The following TRMT13 variants were observed in gnomAD, a reference collection of about 807,000 sequenced individuals.
TRMT13 encodes the protein tRNA:m(4)X modification enzyme TRM13 homolog.
In TRMT13, 45 loss-of-function variants were observed where a neutral mutation model predicts 55.9. The observed-to-expected ratio is 0.80, with a 90% CI of 0.63 to 1.03. The LOEUF is 1.03. Ranked by LOEUF, TRMT13 falls within the 50% of genes least tolerant of loss-of-function variation. The probability of loss-of-function intolerance (pLI) is 0.00; values close to 1 mark genes in which losing one functional copy is unlikely to be tolerated. For synonymous variants in TRMT13, 183 were observed against 196.3 expected (o/e 0.93, Z 0.57); for missense variants, 513 against 563.9 (o/e 0.91, Z 0.91).
In TRMT13 at chr1:100,139,631, G is replaced by A. The variant is rs750919471; in HGVS notation, c.262-18G>A. 1 of 1,452,102 alleles carries A rather than the reference G, an allele frequency of 6.9e-7. No individual in the cohort carries two copies. Among genetic ancestry groups the A allele is most frequent in the South Asian group, 1.2e-5 (1 of 85,356 alleles). The allele number at this position is 1,452,102 out of a possible 1,614,324, so 90.0% of individuals were successfully genotyped here. A position where few individuals can be genotyped will look rare whatever the true frequency, so the allele number is the denominator to read the frequency against. On this transcript the variant is annotated intron_variant, in intron 3 of 10. Transcript: ENST00000370141. ...TACACATTATTAACAGTTCTTTTAT[G>A]GTTTTGTTTTTGTTAAGGATTTCTA...
chr1:100,148,469 T>C, intron 10 of TRMT13, 143 bp downstream of exon 10: 6 of 1,083,084 alleles, frequency 5.5e-6, no homozygotes, highest in Non-Finnish European at 7.9e-6. Context: ...CATCTTTTAT[T>C]GTGGTCATAA....
At position 100,148,251 on chromosome 1, in the gene TRMT13, A is replaced by G. The variant is rs1657536114; in HGVS notation, c.1175A>G (p.Asn392Ser). The change falls in exon 10 of 11, where the codon AAT becomes AGT. Residue 392 changes from asparagine to serine, a missense_variant. Physicochemically the swap from Asn to Ser is conservative, Grantham distance 46 (BLOSUM62 1). Around this residue, in one of 3 missense-constraint regions of TRMT13, gnomAD observed 209 missense variants for 255.8 expected, o/e 0.82. Coordinates refer to ENST00000370141, the MANE Select transcript of TRMT13 (RefSeq NM_019083.3). ...AATAGTACCACAAAGAGGCAAGATA[A>G]TCAGAATGATGATAGTGAAGAGCAT... ...TSNSTTKRQDNQNDDSEEHDD... is the reference protein window; with the variant it reads ...TSNSTTKRQDSQNDDSEEHDD... 6.2e-7 allele frequency: 1 copy of G among 1,614,076 alleles called. No homozygotes were observed. Among genetic ancestry groups the G allele is most frequent in the Admixed American group, 1.7e-5 (1 of 59,994 alleles).
At position 100,139,682 on chromosome 1, in the gene TRMT13, A is replaced by G. The variant is rs1337519044; in HGVS notation, c.295A>G (p.Arg99Gly). 1.3e-6 allele frequency: 2 copies of G among 1,542,924 alleles called. No homozygotes were observed. The highest frequency in any genetic ancestry group is 1.4e-5 in the African/African-American group (1 of 73,272). ...FYIQDINAGL[R>G]DETEIPEQLV... Reference sequence around the variant, plus strand: ...TATTCAAGATATTAATGCAGGCTTAAGAGATGAAACAGAAATACCTGAACA... The same window carrying G: ...TATTCAAGATATTAATGCAGGCTTAGGAGATGAAACAGAAATACCTGAACA... Residue 99 changes from arginine to glycine, a missense_variant, in exon 4 of 11, where the codon AGA becomes GGA. This residue lies in a region of TRMT13 where 298 missense variants were observed against 290.3 expected (regional missense o/e 1.03). Coordinates refer to ENST00000370141, the MANE Select transcript of TRMT13 (RefSeq NM_019083.3).
intron 7 of TRMT13, among the ~76,000 whole-genome samples, chr1:100,142,506 G>T (rs1295012614): frequency 6.6e-6 from 1 of 152,158 alleles, no homozygotes; most frequent in Non-Finnish European, 1.5e-5. Context: ...TTGAATATGA[G>T]AGATAAGGAG....
intron 1 of TRMT13, among the ~76,000 whole-genome samples, chr1:100,135,842 A>C (rs1436506193): frequency 2.0e-5 from 3 of 152,216 alleles, no homozygotes; most frequent in Non-Finnish European, 2.9e-5. Flanking sequence ...CATTTCAGTC[A>C]ACAACAGACC....
chr1:100,135,414 A>G (rs1655693785), intron 1 of TRMT13, among the ~76,000 whole-genome samples: 1 of 152,174 alleles, frequency 6.6e-6, no homozygotes, highest in African/African-American at 2.4e-5. Context: ...TTTCCCATGA[A>G]ATTCAGTGTG....
intron 9 of TRMT13, among the ~76,000 whole-genome samples, chr1:100,145,018 T>G (rs571212956): frequency 6.6e-6 from 1 of 152,378 alleles, no homozygotes; most frequent in African/African-American, 2.4e-5. Context: ...TATATGACAG[T>G]GGTCCTATAA....
At position 100,140,499 on chromosome 1, in the gene TRMT13, G is replaced by A. The variant is rs1656471308; in HGVS notation, c.486G>A (p.Lys162=). The A allele has an allele frequency of 6.2e-7, 1 of 1,613,242 alleles. No homozygotes were observed. Among genetic ancestry groups the A allele is most frequent in the Admixed American group, 1.7e-5 (1 of 60,008 alleles). ...CTAAAAATGGCGATTCTGCAACCAA[G>A]CACCTGAAACAGCAGGTATGTTTAG... ...NDPKNGDSAT[K]HLKQQASILG... is the part of the protein sequence containing the mutation. The change falls in exon 6 of 11, where the codon AAG becomes AAA. Residue 162 remains lysine, a synonymous_variant. Transcript: ENST00000370141.
At chr1:100,143,457 A>G (rs1230847091) in intron 8 of TRMT13, among the ~76,000 whole-genome samples, 6 of 152,232 alleles carry the variant, frequency 3.9e-5, no homozygotes, top group Admixed American at 1.3e-4. Flanking sequence ...TAAAAGTTTT[A>G]TAATATGTAC....
At position 100,150,212 on chromosome 1, in the gene TRMT13, T is replaced by C. The variant is rs142263749; in HGVS notation, c.*1392T>C. ...TAATTCAATAAATATTAACTAGTAA[T>C]AGTAGTGGTAGTAACTCGTGAATCT... On this transcript the variant is annotated 3_prime_UTR_variant, in exon 11 of 11. Coordinates refer to ENST00000370141, the MANE Select transcript of TRMT13 (RefSeq NM_019083.3). 3.9e-5 allele frequency: 6 copies of C among 152,246 alleles called. No individual in the cohort carries two copies. Among genetic ancestry groups the C allele is most frequent in the African/African-American group, 1.4e-4 (6 of 41,560 alleles). The allele number at this position is 152,246 out of a possible 1,614,324, so 9.4% of individuals were successfully genotyped here. A position where few individuals can be genotyped will look rare whatever the true frequency, so the allele number is the denominator to read the frequency against.
intron 7 of TRMT13, among the ~76,000 whole-genome samples, chr1:100,141,730 G>T (rs774754631): frequency 6.6e-6 from 1 of 152,192 alleles, no homozygotes; most frequent in Non-Finnish European, 1.5e-5. Context: ...AGTACAGCAT[G>T]GTTTCAAAGA....
At position 100,149,757 on chromosome 1, in the gene TRMT13, G is replaced by T; in HGVS notation, c.*937G>T. 5.0e-6 allele frequency: 1 copy of T among 199,244 alleles called. No individual in the cohort carries two copies. The highest frequency in any genetic ancestry group is 1.0e-5 in the Non-Finnish European group (1 of 99,242). 12.3% of individuals were successfully genotyped at this position (199,244 alleles called of 1,614,324 possible). A position where few individuals can be genotyped will look rare whatever the true frequency, so the allele number is the denominator to read the frequency against. Reference sequence around the variant, plus strand: ...AAAATACTAAACCAAATATATGGTAGGACTGTTATTCTCTTCTGCATCTTA... The same window carrying T: ...AAAATACTAAACCAAATATATGGTATGACTGTTATTCTCTTCTGCATCTTA... On this transcript the variant is annotated 3_prime_UTR_variant, in exon 11 of 11. Coordinates refer to ENST00000370141, the MANE Select transcript of TRMT13 (RefSeq NM_019083.3).
intron 1 of TRMT13, among the ~76,000 whole-genome samples, chr1:100,135,476 A>G (rs1448212838): frequency 2.0e-5 from 3 of 152,228 alleles, no homozygotes; most frequent in African/African-American, 7.2e-5. Context: ...ATAAATTTTT[A>G]AAAGAATAAT....
intron 9 of TRMT13, among the ~76,000 whole-genome samples, chr1:100,145,636 C>A (rs1272295202): frequency 1.3e-4 from 20 of 152,180 alleles, no homozygotes; most frequent in Admixed American, 1.3e-3. Flanking sequence ...GGAAACCCAA[C>A]ACTGGAGGCT....
chr1:100,143,233 G>T, intron 8 of TRMT13, 24 bp downstream of exon 8: 2 of 1,494,806 alleles, frequency 1.3e-6, no homozygotes, highest in South Asian at 2.3e-5. Flanking sequence ...CTTTCCATTG[G>T]TCTACAAATA....
intron 1 of TRMT13, among the ~76,000 whole-genome samples, chr1:100,136,074 A>G (rs1183549622): frequency 2.0e-5 from 3 of 152,148 alleles, no homozygotes; most frequent in African/African-American, 4.8e-5. Context: ...GTGTTACTAT[A>G]CTGTATGATG....
chr1:100,134,946 T>C (rs1479160962), intron 1 of TRMT13, among the ~76,000 whole-genome samples: 4 of 152,218 alleles, frequency 2.6e-5, no homozygotes, highest in Non-Finnish European at 5.9e-5. Flanking sequence ...TGTGTTTCCA[T>C]CTTTTTTTCT....
chr1:100,140,878 T>A lies in TRMT13; in HGVS notation c.528T>A (p.Asn176Lys). Residue 176 changes from asparagine to lysine, a missense_variant, in exon 7 of 11, where the codon AAT (asparagine) becomes AAA (lysine). Physicochemically the swap from Asn to Lys is moderately conservative, Grantham distance 94 (BLOSUM62 0). Around this residue, in one of 3 missense-constraint regions of TRMT13, gnomAD observed 298 missense variants for 290.3 expected, o/e 1.03. Coordinates refer to ENST00000370141, the MANE Select transcript of TRMT13 (RefSeq NM_019083.3). ...QQASILGNIE[N>K]LKLLGPRRCF... ...CTTCTATTTTAGGTAACATTGAAAA[T>A]TTAAAGTTACTTGGTCCAAGAAGAT... is the stretch of plus-strand genomic sequence containing the variant. 6.2e-7 allele frequency: 1 copy of A among 1,613,210 alleles called. No homozygotes were observed. The highest frequency in any genetic ancestry group is 8.5e-7 in the Non-Finnish European group (1 of 1,179,620).
chr1:100,135,410 A>G (rs1191014265), intron 1 of TRMT13, among the ~76,000 whole-genome samples: 1 of 152,182 alleles, frequency 6.6e-6, no homozygotes, highest in Admixed American at 6.5e-5. Flanking sequence ...TAGCTTTCCC[A>G]TGAAATTCAG....
Sources: allele counts gnomAD v4.1 joint callset (sites outside exome capture counted in the v4.1 genomes callset), GRCh38; gene constraint gnomAD v4.1.1; regional missense constraint gnomAD v4.1.1; transcripts MANE v1.5; gene names NCBI Gene and HGNC (gene_info 2026-07-23, HGNC 2026-07-21).